The following PPFIBP2 variants were observed in gnomAD, a reference collection of about 807,000 sequenced individuals.
PPFIBP2 encodes liprin-beta-2.
PPFIBP2 carries 118 observed loss-of-function variants against 118.3 expected under a neutral mutation model. That is an observed-to-expected ratio of 1.00 (90% CI 0.86 to 1.16). The LOEUF (loss-of-function observed/expected upper bound fraction) is 1.16, where lower values mean the gene tolerates loss of function less well. Among genes scored for constraint, PPFIBP2 ranks in the 50% most tolerant of loss-of-function variants. The pLI, the probability that PPFIBP2 is intolerant of heterozygous loss-of-function variation, is 0.00. For synonymous variants in PPFIBP2, 414 were observed against 397.4 expected (o/e 1.04, Z -0.50); for missense variants, 1,195 against 1,073.1 (o/e 1.11, Z -1.59).
At chr11:7,520,645 A>G (rs1456734281) in intron 1 of PPFIBP2, among the ~76,000 whole-genome samples, 3 of 152,204 alleles carry the variant, frequency 2.0e-5, no homozygotes, top group African/African-American at 7.2e-5. Context: ...TCCATTCTAC[A>G]GCCTGTTCAT....
In PPFIBP2 at chr11:7,653,203, G is replaced by A. The variant is rs148183299; in HGVS notation, c.2616G>A (p.Val872=). ...CTGAACTGGATGGGCTGGACCAGGT[G>A]GGACAGATTAGCTGATGCCCTTGTC... is the stretch of plus-strand genomic sequence containing the variant. ...DAPELDGLDQ[V]GQIS Residue 872 remains valine (V), a synonymous_variant, in exon 24 of 24, where the codon GTG becomes GTA. Coordinates refer to ENST00000299492, the MANE Select transcript of PPFIBP2 (RefSeq NM_003621.5). 6.5e-4 allele frequency: 1,043 copies of A among 1,614,158 alleles called. 2 individuals carry two copies. Among genetic ancestry groups the A allele is most frequent in the Non-Finnish European group, 7.9e-4 (938 of 1,180,044 alleles).
chr11:7,594,026 A>T (rs1331383785), intron 4 of PPFIBP2, among the ~76,000 whole-genome samples: 1 of 152,160 alleles, frequency 6.6e-6, no homozygotes, highest in Non-Finnish European at 1.5e-5. Flanking sequence ...AAGGGTGATG[A>T]GTTAGACTGG....
intron 2 of PPFIBP2, among the ~76,000 whole-genome samples, chr11:7,553,930 C>T (rs367823774): frequency 6.6e-6 from 1 of 152,242 alleles, no homozygotes; most frequent in South Asian, 2.1e-4. Flanking sequence ...TGCTCTTGCT[C>T]ACAATCCCTA....
chr11:7,595,691 C>G (rs1178890179), intron 4 of PPFIBP2, among the ~76,000 whole-genome samples: 5 of 152,092 alleles, frequency 3.3e-5, no homozygotes, highest in Admixed American at 3.3e-4. Flanking sequence ...AGGGTAGAGC[C>G]TCTTGCTTAA....
intron 3 of PPFIBP2, chr11:7,571,661 T>C (rs1564986656): frequency 6.6e-6 from 1 of 152,172 alleles, no homozygotes; most frequent in Non-Finnish European, 1.5e-5. Context: ...AAGTAGAGCC[T>C]GTGTGAGCCG....
intron 4 of PPFIBP2, among the ~76,000 whole-genome samples, chr11:7,594,504 A>G (rs923842878): frequency 6.6e-6 from 1 of 152,392 alleles, no homozygotes; most frequent in Non-Finnish European, 1.5e-5. Context: ...AGAGTGGGCC[A>G]GGTGCAGTGG....
intron 17 of PPFIBP2, among the ~76,000 whole-genome samples, chr11:7,647,383 C>T (rs764402948): frequency 5.5e-4 from 84 of 152,082 alleles, no homozygotes; most frequent in Non-Finnish European, 2.2e-4. Flanking sequence ...TTATAAAACC[C>T]AGTCATCCTG....
At chr11:7,526,480 G>A (rs543392012) in intron 1 of PPFIBP2, among the ~76,000 whole-genome samples, 8 of 152,318 alleles carry the variant, frequency 5.3e-5, no homozygotes, top group African/African-American at 1.7e-4. Context: ...TTACCCTGTC[G>A]GTAGTGGGGA....
At chr11:7,657,848 G>C (rs531145081), downstream of PPFIBP2, among the ~76,000 whole-genome samples, 4 of 152,310 alleles carry the variant, frequency 2.6e-5, no homozygotes, top group Admixed American at 6.5e-5. Flanking sequence ...GAAGTTTCTT[G>C]TCGTCTTACC....
rs1346201837 is a variant in PPFIBP2 at position 7,639,882 on chromosome 11, G to C, written c.1375+12G>C. On this transcript the variant is annotated intron_variant, in intron 15 of 23. Coordinates refer to ENST00000299492, the MANE Select transcript of PPFIBP2 (RefSeq NM_003621.5). ...CCTGCTGAGGCTGAGTGAGTGTCCA[G>C]CCCTGGTGCTGGTGGCCTCTGAGCA... The C allele has an allele frequency of 3.7e-6, 6 of 1,611,180 alleles. No individual in the cohort carries two copies. The highest frequency in any genetic ancestry group is 5.1e-6 in the Non-Finnish European group (6 of 1,179,002).
At chr11:7,575,776 T>A (rs1856238191) in intron 3 of PPFIBP2, among the ~76,000 whole-genome samples, 1 of 152,220 alleles carries the variant, frequency 6.6e-6, no homozygotes, top group African/African-American at 2.4e-5. Flanking sequence ...CCTTTAGAGA[T>A]GTTCTTCCTT....
At chr11:7,660,936 G>C (rs1854877343), downstream of PPFIBP2, among the ~76,000 whole-genome samples, 1 of 152,020 alleles carries the variant, frequency 6.6e-6, no homozygotes, top group African/African-American at 2.4e-5. Context: ...TATTTGCGTA[G>C]AGGTGTTTGT....
chr11:7,641,574 C>A lies in PPFIBP2; in HGVS notation c.1471C>A (p.Pro491Thr), dbSNP rs776912272. Residue 491 changes from proline (P) to threonine (T), a missense_variant, in exon 16 of 24, where the codon CCA becomes ACA. Physicochemically the swap from Pro to Thr is conservative, Grantham distance 38 (BLOSUM62 -1). Coordinates refer to ENST00000299492, the MANE Select transcript of PPFIBP2 (RefSeq NM_003621.5). ...TESGPQSPLTPDGKRNPKGIK... is the reference protein window; with the variant it reads ...TESGPQSPLTTDGKRNPKGIK... Reference sequence around the variant, plus strand: ...ATCAGGTCCTCAGTCTCCTCTGACACCAGATGGTAAACGGAATCCCAAAGG... The same window carrying A: ...ATCAGGTCCTCAGTCTCCTCTGACAACAGATGGTAAACGGAATCCCAAAGG... 6 of 1,613,988 alleles carry A rather than the reference C, an allele frequency of 3.7e-6. No individual in the cohort carries two copies. Among genetic ancestry groups the A allele is most frequent in the Non-Finnish European group, 5.1e-6 (6 of 1,179,830 alleles).
At chr11:7,625,958 T>A in intron 8 of PPFIBP2, 67 bp downstream of exon 8, 1 of 1,304,598 alleles carries the variant, frequency 7.7e-7, no homozygotes, top group South Asian at 1.3e-5. Flanking sequence ...TAAGTGAGCA[T>A]GTGTTTCTAT....
chr11:7,611,011 C>T (rs569935095), intron 6 of PPFIBP2, among the ~76,000 whole-genome samples: 1 of 152,318 alleles, frequency 6.6e-6, no homozygotes, highest in African/African-American at 2.4e-5. Flanking sequence ...GAGAATTTTA[C>T]ACTCAGAGCT....
At chr11:7,630,685 G>C (rs7940264) in intron 10 of PPFIBP2, among the ~76,000 whole-genome samples, 2 of 150,462 alleles carry the variant, frequency 1.3e-5, no homozygotes, top group African/African-American at 5.0e-5. Context: ...AGGAGTGAGA[G>C]GTTTGGAGGC....
intron 2 of PPFIBP2, among the ~76,000 whole-genome samples, chr11:7,562,065 G>T (rs1314683673): frequency 6.6e-6 from 1 of 152,144 alleles, no homozygotes; most frequent in Non-Finnish European, 1.5e-5. Flanking sequence ...TAGATCCCTC[G>T]CATGCACAGT....
chr11:7,638,404 C>T (rs1206506045), intron 14 of PPFIBP2, among the ~76,000 whole-genome samples: 1 of 152,216 alleles, frequency 6.6e-6, no homozygotes, highest in Non-Finnish European at 1.5e-5. Flanking sequence ...CCAGTTCTTT[C>T]AGAATTCAGT....
At chr11:7,631,701 C>T (rs1441479321) in intron 11 of PPFIBP2, among the ~76,000 whole-genome samples, 1 of 152,124 alleles carries the variant, frequency 6.6e-6, no homozygotes, top group Non-Finnish European at 1.5e-5. Flanking sequence ...AATCTTAGTG[C>T]TTCAGTTCAA....
Sources: gnomAD v4.1 joint callset for allele counts (sites outside exome capture counted in the v4.1 genomes callset) on GRCh38, gnomAD v4.1.1 for gene constraint, MANE v1.5 for transcripts, NCBI Gene and HGNC (gene_info 2026-07-23, HGNC 2026-07-21) for gene names.